Variants in OR2L13 observed in about 807,000 individuals in gnomAD.
The protein encoded by OR2L13 is olfactory receptor family 2 subfamily L member 13.
Under a neutral mutation model 15.3 loss-of-function variants are expected in OR2L13, and 14 were observed. The ratio of observed to expected loss-of-function variants is 0.91; its 90% CI spans 0.60 to 1.43. OR2L13 has a LOEUF of 1.43. OR2L13 is among the 40% of genes most tolerant of loss of function. The pLI is 0.00. For missense variants in OR2L13, 367 were observed against 387.9 expected (o/e 0.95, Z 0.45); for synonymous variants, 152 against 142.9 (o/e 1.06, Z -0.45).
At chr1:248,097,315 C>T (rs936468295) in exon 1 of OR2L13, 16 of 152,236 alleles carry the variant, frequency 1.1e-4, no homozygotes, top group Admixed American at 7.2e-4. Flanking sequence ...CTCACACTCA[C>T]CTGATAGCCA....
the OR2L13 span, among the ~76,000 whole-genome samples, chr1:247,958,168 C>T: frequency 1.3e-5 from 2 of 152,158 alleles, no homozygotes; most frequent in Non-Finnish European, 2.9e-5. Context: ...TTTCAAAGAA[C>T]ATCTTTATTC....
the OR2L13 span, among the ~76,000 whole-genome samples, chr1:248,078,173 G>A: frequency 6.6e-6 from 1 of 152,162 alleles, no homozygotes; most frequent in African/African-American, 2.4e-5. Context: ...TTCAAAAATT[G>A]CTAGTAGGAA....
chr1:247,966,338 G>T, the OR2L13 span: 4 of 1,605,794 alleles, frequency 2.5e-6, no homozygotes, highest in Middle Eastern at 1.7e-4. Context: ...TCTCTGTATT[G>T]ATTGAGCATT....
the OR2L13 span, chr1:248,038,973 G>A: frequency 1.2e-6 from 2 of 1,614,040 alleles, no homozygotes; most frequent in South Asian, 1.1e-5. Context: ...GAGGAAGAAG[G>A]CCTATTCAAC....
chr1:247,986,149 AT>A, the OR2L13 span, among the ~76,000 whole-genome samples: 1 of 151,906 alleles, frequency 6.6e-6, no homozygotes, highest in South Asian at 2.1e-4. Flanking sequence ...TTTTGTTGCC[AT>A]TGCTTTTGGT....
the OR2L13 span, among the ~76,000 whole-genome samples, chr1:247,952,641 A>C: frequency 6.6e-6 from 1 of 152,178 alleles, no homozygotes; most frequent in Non-Finnish European, 1.5e-5. Context: ...TGTTGTTTAT[A>C]GGTTACCACA....
Position 248,099,337 on chromosome 1 carries a change from TTTCTATTTCTCTTTCAACAG to T in OR2L13, c.-18-18_-17del. 7.4e-7 allele frequency: 1 copy of T among 1,353,702 alleles called. No homozygotes were observed. The highest frequency in any genetic ancestry group is 1.0e-6 in the Non-Finnish European group (1 of 962,688). The allele number at this position is 1,353,702 out of a possible 1,614,324, so 83.9% of individuals were successfully genotyped here. On this transcript the variant is annotated splice_acceptor_variant and splice_polypyrimidine_tract_variant and intron_variant, in intron 2 of 2. Coordinates refer to ENST00000641714, the Ensembl canonical transcript of OR2L13. LOFTEE classifies it low-confidence loss of function (5UTR_SPLICE). ...TTTCATGTTTTGTGCTTTGCTTTTG[TTTCTATTTCTCTTTCAACAG>T]TTACAGCAGAAAGTTTTCATGGAGA...
chr1:247,948,796 G>C, the OR2L13 span: 2 of 1,406,996 alleles, frequency 1.4e-6, no homozygotes. Flanking sequence ...GCAGATAAGG[G>C]CGAATTACTG....
At chr1:247,943,167 C>T in the OR2L13 span, among the ~76,000 whole-genome samples, 2 of 152,014 alleles carry the variant, frequency 1.3e-5, no homozygotes, top group African/African-American at 2.4e-5. Context: ...TAAACATGGG[C>T]ATAGAAATAT....
At chr1:248,069,246 G>A in the OR2L13 span, among the ~76,000 whole-genome samples, 6,216 of 152,260 alleles carry the variant, frequency 0.041, 417 homozygotes, top group African/African-American at 0.14. Flanking sequence ...TACCCACAAA[G>A]GGAAGCCCAT....
chr1:248,015,555 C>A, the OR2L13 span, among the ~76,000 whole-genome samples: 1 of 152,146 alleles, frequency 6.6e-6, no homozygotes, highest in African/African-American at 2.4e-5. Context: ...TTACCATTTC[C>A]TAGCCTTATC....
the OR2L13 span, chr1:248,060,777 C>A: frequency 1.2e-6 from 2 of 1,614,108 alleles, no homozygotes; most frequent in Non-Finnish European, 1.7e-6. Flanking sequence ...TCATTGTTTT[C>A]ATTTTCCTAA....
At chr1:248,083,775 G>T in the OR2L13 span, 9 of 1,613,816 alleles carry the variant, frequency 5.6e-6, no homozygotes, top group Admixed American at 6.7e-5. Flanking sequence ...ACTATAGAAG[G>T]CTGACACAAC....
At chr1:248,030,373 C>T in the OR2L13 span, 1 of 152,124 alleles carries the variant, frequency 6.6e-6, no homozygotes, top group Admixed American at 6.6e-5. Flanking sequence ...TCTCTAACAC[C>T]ATTCAGCAGA....
the OR2L13 span, among the ~76,000 whole-genome samples, chr1:248,051,399 A>G: frequency 6.6e-6 from 1 of 152,190 alleles, no homozygotes; most frequent in African/African-American, 2.4e-5. Context: ...TTTGTTGATG[A>G]CCACTTGCTT....
chr1:248,009,200 G>T, the OR2L13 span, among the ~76,000 whole-genome samples: 1 of 151,338 alleles, frequency 6.6e-6, no homozygotes, highest in African/African-American at 2.4e-5. Flanking sequence ...AGGAGATAGA[G>T]ACTCAAAAAA....
At chr1:247,983,853 A>G in the OR2L13 span, among the ~76,000 whole-genome samples, 195 of 152,356 alleles carry the variant, frequency 1.3e-3, no homozygotes, top group African/African-American at 4.5e-3. Context: ...GGGAAGCAGG[A>G]CAGGTGTCTG....
chr1:248,079,568 T>C, the OR2L13 span, among the ~76,000 whole-genome samples: 4 of 152,154 alleles, frequency 2.6e-5, no homozygotes, highest in African/African-American at 2.4e-5. Flanking sequence ...TTTATAAGGC[T>C]ACAGAAATTA....
chr1:248,058,987 G>A, the OR2L13 span, among the ~76,000 whole-genome samples: 2 of 151,912 alleles, frequency 1.3e-5, no homozygotes, highest in African/African-American at 4.8e-5. Flanking sequence ...TATGTTACCT[G>A]TTGCATCCTT....
Sources: allele counts gnomAD v4.1 joint callset (sites outside exome capture counted in the v4.1 genomes callset), GRCh38; gene constraint gnomAD v4.1.1; transcripts MANE v1.5; gene names NCBI Gene and HGNC (gene_info 2026-07-23, HGNC 2026-07-21).